Variants in CDKL5 observed in about 807,000 individuals in gnomAD.
The protein encoded by CDKL5 is cyclin dependent kinase like 5.
A neutral mutation model predicts 61.7 loss-of-function variants in CDKL5; 8 were observed. The observed-to-expected ratio is 0.13, with a 90% confidence interval of 0.08 to 0.23. The LOEUF is 0.23. Ranked by LOEUF, CDKL5 falls within the 10% of genes least tolerant of loss-of-function variation. CDKL5 has a pLI of 1.00. For synonymous variants in CDKL5, 275 were observed against 272.3 expected, an observed-to-expected ratio of 1.01 and a Z score of -0.10; for missense variants, 440 against 734.5, an observed-to-expected ratio of 0.60 and a Z score of 4.63.
chrX:18,645,904 T>C, intron 19 of CDKL5: 1 of 1,178,709 alleles, frequency 8.5e-7, no homozygotes, highest in Non-Finnish European at 1.1e-6. Context: ...AACCAAACTC[T>C]GGTCAATGGG....
intron 1 of CDKL5, among the ~76,000 whole-genome samples, chrX:18,439,528 T>C (rs1353826592): frequency 9.0e-6 from 1 of 110,899 alleles, no homozygotes; most frequent in Non-Finnish European, 1.9e-5. Context: ...ACAAATTTTG[T>C]GGTTACTGAG....
At chrX:18,469,338 C>CA (rs34096001) in intron 1 of CDKL5, among the ~76,000 whole-genome samples, 483 of 15,589 alleles carry the variant, frequency 0.031, 36 homozygotes, top group East Asian at 0.061. Context: ...GACTCTGTCT[C>CA]AAAAAAAAAA....
rs778852393 is a variant in CDKL5 at position 18,617,945 on chromosome X, A to G, written c.2277-1922A>G. On this transcript the variant is annotated intron_variant, in intron 15 of 17. Coordinates refer to ENST00000623535, the MANE Select transcript of CDKL5 (RefSeq NM_001323289.2). ...TGGGGACCCAACGATGCAACATGCA[A>G]ACTGCAAACATTGAGCTTTCCTTTT... Among the ~76,000 whole-genome samples the G allele has an allele frequency of 8.1e-5, 9 of 111,475 alleles. No individual in the cohort carries two copies. In the South Asian group the frequency reaches 1.9e-3, roughly 24 times the overall value.
At chrX:18,473,794 C>A (rs185395144) in intron 1 of CDKL5, among the ~76,000 whole-genome samples, 26 of 107,623 alleles carry the variant, frequency 2.4e-4, no homozygotes, top group African/African-American at 8.5e-4. Context: ...CTCACTGCAA[C>A]CTATGCCTCC....
At chrX:18,432,368 G>C (rs1203868304) in intron 1 of CDKL5, among the ~76,000 whole-genome samples, 1 of 109,417 alleles carries the variant, frequency 9.1e-6, no homozygotes, top group Non-Finnish European at 1.9e-5. Flanking sequence ...AAAGTACTAG[G>C]ATTATAGGCA....
intron 1 of CDKL5, among the ~76,000 whole-genome samples, chrX:18,464,868 G>A (rs1932366278): frequency 8.9e-6 from 1 of 111,992 alleles, no homozygotes; most frequent in Non-Finnish European, 1.9e-5. Context: ...TTTAAAAAAT[G>A]TCAGTGTGTG....
intron 1 of CDKL5, among the ~76,000 whole-genome samples, chrX:18,473,130 A>G (rs1921163338): frequency 9.2e-6 from 1 of 108,278 alleles, no homozygotes; most frequent in African/African-American, 3.4e-5. Context: ...TAATTTTTGT[A>G]TTTTTAGTAG....
chrX:18,509,226 C>CACACACACACAT (rs1922727156), intron 2 of CDKL5, among the ~76,000 whole-genome samples: 2 of 107,394 alleles, frequency 1.9e-5, no homozygotes, highest in Admixed American at 2.1e-4. Flanking sequence ...CACACACACA[C>CACACACACACAT]ACACACACAC....
At chrX:18,461,541 C>G (rs1183105049) in intron 1 of CDKL5, among the ~76,000 whole-genome samples, 1 of 112,192 alleles carries the variant, frequency 8.9e-6, no homozygotes, top group Non-Finnish European at 1.9e-5. Flanking sequence ...GACACACGGT[C>G]TTTGAAGAAA....
chrX:18,521,718 T>C (rs1923249741), intron 3 of CDKL5, among the ~76,000 whole-genome samples: 1 of 112,389 alleles, frequency 8.9e-6, no homozygotes, highest in South Asian at 3.7e-4. Flanking sequence ...TTTGTATATG[T>C]TGTGAGATAG....
chrX:18,566,247 G>A (rs893365354), intron 4 of CDKL5, among the ~76,000 whole-genome samples: 1 of 111,757 alleles, frequency 8.9e-6, no homozygotes, highest in South Asian at 3.7e-4. Flanking sequence ...CACTCCCCGG[G>A]CTCAAGTGAT....
intron 2 of CDKL5, among the ~76,000 whole-genome samples, chrX:18,509,499 C>A (rs1416813281): frequency 9.0e-6 from 1 of 111,329 alleles, no homozygotes; most frequent in African/African-American, 3.3e-5. Context: ...GTGAAGCCCC[C>A]TTCTCATAGA....
At chrX:18,617,303 A>G (rs1304330355) in intron 15 of CDKL5, among the ~76,000 whole-genome samples, 1 of 111,775 alleles carries the variant, frequency 8.9e-6, no homozygotes, top group Non-Finnish European at 1.9e-5. Context: ...AGAAGGTGCC[A>G]GGTGACTGGA....
chrX:18,631,316 G>A lies in CDKL5; in HGVS notation c.*2559G>A, dbSNP rs978426439. 1 of 752,256 alleles carries A rather than the reference G, an allele frequency of 1.3e-6. No individual in the cohort carries two copies. 62.0% of individuals were successfully genotyped at this position (752,256 alleles called of 1,213,427 possible). ...GTTTTCAACCAGTGTTTTCGAGGTA[G>A]CTCTTTAATCCTCTTCTCAGCTTTT... On this transcript the variant is annotated 3_prime_UTR_variant, in exon 18 of 18. Transcript: ENST00000623535.
chrX:18,432,832 C>T (rs1931527363), intron 1 of CDKL5, among the ~76,000 whole-genome samples: 1 of 111,409 alleles, frequency 9.0e-6, no homozygotes, highest in African/African-American at 3.3e-5. Flanking sequence ...GTCTTGAACT[C>T]CTGAGTTCCC....
chrX:18,427,335 A>T (rs868452173), intron 1 of CDKL5, among the ~76,000 whole-genome samples: 2 of 22,929 alleles, frequency 8.7e-5, no homozygotes, highest in East Asian at 1.3e-3. Flanking sequence ...GTTGGGGGGG[A>T]GGTGAGGGTG....
At chrX:18,461,407 G>A (rs1932284891) in intron 1 of CDKL5, among the ~76,000 whole-genome samples, 1 of 112,297 alleles carries the variant, frequency 8.9e-6, no homozygotes, top group South Asian at 3.7e-4. Flanking sequence ...ACAGACCTTT[G>A]GGGTCACTTG....
intron 1 of CDKL5, among the ~76,000 whole-genome samples, chrX:18,464,666 T>C (rs180700824): frequency 2.4e-3 from 264 of 111,941 alleles, no homozygotes; most frequent in African/African-American, 7.7e-3. Flanking sequence ...CCAAACCTTA[T>C]GTAACTTGAC....
intron 17 of CDKL5, chrX:18,626,750 C>G (rs1927074779): frequency 1.5e-5 from 1 of 64,626 alleles, no homozygotes; most frequent in African/African-American, 5.9e-5. Flanking sequence ...CCCCTCCCCC[C>G]CCTTCTCTCT....
Sources: allele counts gnomAD v4.1 joint callset (sites outside exome capture counted in the v4.1 genomes callset), GRCh38; gene constraint gnomAD v4.1.1; transcripts MANE v1.5; gene names NCBI Gene and HGNC (gene_info 2026-07-23, HGNC 2026-07-21).